ISM1: variants seen among roughly 807,000 people sequenced by gnomAD.
The protein encoded by ISM1 is isthmin-1.
ISM1 carries 25 observed loss-of-function variants against 46.3 expected under a neutral mutation model. That is an observed-to-expected ratio of 0.54 (90% CI 0.39 to 0.75). The LOEUF is 0.75. ISM1 is among the 30% of genes least tolerant of loss of function. The pLI is 0.00. For synonymous variants in ISM1, 255 were observed against 256.7 expected (o/e 0.99, Z 0.06); for missense variants, 536 against 625.4 (o/e 0.86, Z 1.52).
intron 3 of ISM1, among the ~76,000 whole-genome samples, chr20:13,284,330 C>G (rs557889537): frequency 1.6e-4 from 24 of 152,316 alleles, no homozygotes; most frequent in African/African-American, 5.1e-4. Context: ...CAGCGGCATC[C>G]TTGAAACCCA....
At chr20:13,306,166 TG>T in the ISM1 span, among the ~76,000 whole-genome samples, 4 of 152,210 alleles carry the variant, frequency 2.6e-5, no homozygotes, top group East Asian at 7.7e-4. Context: ...ATATTTGAAT[TG>T]GGAAAGTAAC....
At chr20:13,316,458 C>T in the ISM1 span, among the ~76,000 whole-genome samples, 18,335 of 151,774 alleles carry the variant, frequency 0.12, 1,236 homozygotes, top group Admixed American at 0.18. Context: ...CAGCATTATC[C>T]TATTACCAAA....
At chr20:13,278,531 T>C (rs987832014) in intron 2 of ISM1, among the ~76,000 whole-genome samples, 2 of 152,230 alleles carry the variant, frequency 1.3e-5, no homozygotes, top group Non-Finnish European at 2.9e-5. Context: ...AGAGACAGTG[T>C]GGCAAAGTTA....
chr20:13,308,658 C>A, the ISM1 span, among the ~76,000 whole-genome samples: 1 of 152,004 alleles, frequency 6.6e-6, no homozygotes, highest in Admixed American at 6.6e-5. Context: ...CTAGGCTATT[C>A]GTATTGTCAA....
At chr20:13,308,626 T>C in the ISM1 span, among the ~76,000 whole-genome samples, 1 of 152,286 alleles carries the variant, frequency 6.6e-6, no homozygotes, top group Admixed American at 6.5e-5. Flanking sequence ...TAATAGAGAA[T>C]ACAATCCAGC....
At chr20:13,255,677 CA>C (rs2123206480) in intron 1 of ISM1, among the ~76,000 whole-genome samples, 1 of 152,318 alleles carries the variant, frequency 6.6e-6, no homozygotes, top group African/African-American at 2.4e-5. Flanking sequence ...ATATGAATTA[CA>C]ACAAGTCATT....
At chr20:13,229,012 C>A (rs1568661367) in intron 1 of ISM1, among the ~76,000 whole-genome samples, 1 of 152,132 alleles carries the variant, frequency 6.6e-6, no homozygotes, top group East Asian at 1.9e-4. Context: ...TCTACCACTT[C>A]CTGCCCTCAG....
the ISM1 span, among the ~76,000 whole-genome samples, chr20:13,322,937 A>G: frequency 9.2e-5 from 14 of 152,198 alleles, no homozygotes; most frequent in African/African-American, 3.1e-4. Flanking sequence ...TTAGAATAAA[A>G]TCCTGGGTTA....
chr20:13,268,140 T>TCTTCTCTTCTCTTCTCTTCTCTTCC (rs2123242393), intron 1 of ISM1, among the ~76,000 whole-genome samples: 1 of 150,574 alleles, frequency 6.6e-6, no homozygotes, highest in South Asian at 2.1e-4. Flanking sequence ...TCTTCTCTTC[T>TCTTCTCTTCTCTTCTCTTCTCTTCC]CTTCTCTTCT....
chr20:13,314,818 T>C, the ISM1 span, among the ~76,000 whole-genome samples: 8 of 152,138 alleles, frequency 5.3e-5, no homozygotes, highest in African/African-American at 1.9e-4. Flanking sequence ...TGCACATATC[T>C]ATATCTATCT....
At position 13,221,611 on chromosome 20, in the gene ISM1, C is replaced by T. The variant is rs914997472; in HGVS notation, c.-166C>T. 8.2e-5 allele frequency among the ~76,000 whole-genome samples: 12 copies of T among 147,108 alleles called. No homozygotes were observed. Among genetic ancestry groups the T allele is most frequent in the African/African-American group, 2.7e-4 (11 of 40,842 alleles). ...CCTGCTCCCCCGGCCCCGCACACCC[C>T]GCCGCGCCCAGCGCCAGCCCCGCGG... On this transcript the variant is annotated 5_prime_UTR_variant, in exon 1 of 6. Transcript: ENST00000262487.
At chr20:13,267,153 A>G (rs1359024244) in intron 1 of ISM1, among the ~76,000 whole-genome samples, 3 of 152,190 alleles carry the variant, frequency 2.0e-5, no homozygotes, top group Non-Finnish European at 4.4e-5. Context: ...ATTTCTTAAC[A>G]GCTTGGGGGC....
chr20:13,258,085 A>G (rs1214534927), intron 1 of ISM1, among the ~76,000 whole-genome samples: 1 of 152,154 alleles, frequency 6.6e-6, no homozygotes, highest in Non-Finnish European at 1.5e-5. Context: ...AACGGGTGGT[A>G]TTATAGCTGC....
the ISM1 span, among the ~76,000 whole-genome samples, chr20:13,307,912 G>A: frequency 6.6e-6 from 1 of 152,216 alleles, no homozygotes; most frequent in Admixed American, 6.5e-5. Flanking sequence ...GTGCTTTTGG[G>A]TGTGCGTATT....
the ISM1 span, among the ~76,000 whole-genome samples, chr20:13,307,432 C>G: frequency 6.6e-6 from 1 of 152,242 alleles, no homozygotes; most frequent in Middle Eastern, 3.4e-3. Flanking sequence ...CATGAAGGAG[C>G]TCTCTGGGGC....
intron 1 of ISM1, among the ~76,000 whole-genome samples, chr20:13,235,195 G>T (rs2039634024): frequency 6.6e-6 from 1 of 152,176 alleles, no homozygotes; most frequent in African/African-American, 2.4e-5. Context: ...TATGGATTGG[G>T]TCTAGGTTTA....
At chr20:13,292,227 G>A (rs1284731532) in intron 4 of ISM1, 147 bp from the exon 5 acceptor site, 2 of 611,304 alleles carry the variant, frequency 3.3e-6, no homozygotes, top group Non-Finnish European at 5.8e-6. Context: ...GCTTTTTACT[G>A]TTTCCTCTGT....
Position 13,221,640 on chromosome 20 carries a change from C to A in ISM1, c.-137C>A. 1.5e-6 allele frequency: 1 copy of A among 674,518 alleles called. No homozygotes were observed. Among genetic ancestry groups the A allele is most frequent in the Non-Finnish European group, 2.0e-6 (1 of 509,044 alleles). The allele number at this position is 674,518 out of a possible 1,614,324, so 41.8% of individuals were successfully genotyped here. On this transcript the variant is annotated 5_prime_UTR_variant, in exon 1 of 6. Coordinates refer to ENST00000262487, the MANE Select transcript of ISM1 (RefSeq NM_080826.2). ...GCGCCCAGCGCCAGCCCCGCGGGCC[C>A]GGGAAGCGGAGCCCTGGCGGGAGCC...
At chr20:13,317,617 G>C in the ISM1 span, among the ~76,000 whole-genome samples, 1,793 of 152,036 alleles carry the variant, frequency 0.012, 48 homozygotes, top group African/African-American at 0.042. Flanking sequence ...GAACAGACTA[G>C]AGAGCCAGAG....
Sources: allele counts gnomAD v4.1 joint callset (sites outside exome capture counted in the v4.1 genomes callset), GRCh38; gene constraint gnomAD v4.1.1; transcripts MANE v1.5; gene names NCBI Gene and HGNC (gene_info 2026-07-23, HGNC 2026-07-21).